Variants in CNTN6 observed in about 807,000 individuals in gnomAD.
The protein encoded by CNTN6 is contactin-6.
CNTN6 carries 137 observed loss-of-function variants against 122.8 expected under a neutral mutation model. The observed-to-expected ratio is 1.12, with a 90% CI of 0.97 to 1.29. The LOEUF is 1.29. Among genes scored for constraint, CNTN6 ranks in the 50% most tolerant of loss-of-function variants. CNTN6 has a pLI of 0.00. For synonymous variants in CNTN6, 570 were observed against 426.0 expected (o/e 1.34, Z -4.16); for missense variants, 1,634 against 1,223.4 (o/e 1.34, Z -5.01).
intron 4 of CNTN6, among the ~76,000 whole-genome samples, chr3:1,239,010 A>G (rs542440407): frequency 6.6e-6 from 1 of 152,294 alleles, no homozygotes; most frequent in South Asian, 2.1e-4. Context: ...TACTATGAAC[A>G]CCTTCACATG....
intron 2 of CNTN6, among the ~76,000 whole-genome samples, chr3:1,164,154 G>A (rs1168267938): frequency 2.0e-5 from 3 of 152,204 alleles, no homozygotes; most frequent in Non-Finnish European, 4.4e-5. Context: ...CAGAGAGCTC[G>A]TCCTCTGTTT....
intron 12 of CNTN6, among the ~76,000 whole-genome samples, chr3:1,364,414 C>T (rs578194758): frequency 6.6e-6 from 1 of 151,758 alleles, no homozygotes; most frequent in Non-Finnish European, 1.5e-5. Context: ...ACACTTTTGT[C>T]TATCCTTTGA....
At chr3:1,167,111 A>G (rs567383555) in intron 2 of CNTN6, among the ~76,000 whole-genome samples, 1 of 152,132 alleles carries the variant, frequency 6.6e-6, no homozygotes, top group African/African-American at 2.4e-5. Flanking sequence ...GGGATGAAAG[A>G]CAAATTATAA....
At chr3:1,201,041 C>T (rs1169561794) in intron 2 of CNTN6, among the ~76,000 whole-genome samples, 1 of 151,766 alleles carries the variant, frequency 6.6e-6, no homozygotes, top group Non-Finnish European at 1.5e-5. Context: ...ATCCTCCCAC[C>T]TCAGCCTCCT....
intron 2 of CNTN6, among the ~76,000 whole-genome samples, chr3:1,158,852 A>ATGTG: frequency 3.3e-5 from 1 of 29,864 alleles, no homozygotes; most frequent in East Asian, 6.3e-4. Context: ...ATATATACAT[A>ATGTG]CATATATATA....
At chr3:1,248,211 C>G (rs1383368303) in intron 4 of CNTN6, among the ~76,000 whole-genome samples, 1 of 152,110 alleles carries the variant, frequency 6.6e-6, no homozygotes, top group Non-Finnish European at 1.5e-5. Flanking sequence ...GGGAAGGTAA[C>G]ATATTCTAGT....
In CNTN6 at chr3:1,187,267, C is replaced by T. The variant is rs143136170; in HGVS notation, c.56-33420C>T. Among the ~76,000 whole-genome samples the T allele has an allele frequency of 2.9e-3, 444 of 151,772 alleles. 1 individual carries two copies. Among genetic ancestry groups the T allele is most frequent in the African/African-American group, 0.01 (419 of 41,158 alleles). On this transcript the variant is annotated intron_variant, in intron 2 of 22. Coordinates refer to ENST00000446702, the MANE Select transcript of CNTN6 (RefSeq NM_001289080.2). ...TTTTTGTAACCCACACCAGTTCTAT[C>T]CATACATACTTTTTTTTTTTCTTTC...
chr3:1,093,597 G>A (rs561516330), intron 1 of CNTN6, among the ~76,000 whole-genome samples: 84 of 151,894 alleles, frequency 5.5e-4, no homozygotes, highest in Non-Finnish European at 1.0e-3. Context: ...TTAAAAGAAT[G>A]GTTATAAAGT....
intron 4 of CNTN6, among the ~76,000 whole-genome samples, chr3:1,277,026 T>C (rs1692496364): frequency 6.6e-6 from 1 of 152,260 alleles, no homozygotes; most frequent in Non-Finnish European, 1.5e-5. Context: ...ACATAGTAAG[T>C]GAAAGTTTCA....
chr3:1,318,866 C>T (rs1023078312), intron 7 of CNTN6, among the ~76,000 whole-genome samples: 3 of 151,682 alleles, frequency 2.0e-5, no homozygotes, highest in African/African-American at 7.3e-5. Flanking sequence ...AAAGAGATAA[C>T]ATGTACTGGC....
chr3:1,345,039 A>C (rs1278467523), intron 11 of CNTN6, among the ~76,000 whole-genome samples: 2 of 151,870 alleles, frequency 1.3e-5, no homozygotes, highest in African/African-American at 4.8e-5. Flanking sequence ...GGTTTTCATC[A>C]ATCCACTGAT....
At chr3:1,247,041 T>TTTTTC (rs1214575002) in intron 4 of CNTN6, among the ~76,000 whole-genome samples, 1 of 134,960 alleles carries the variant, frequency 7.4e-6, no homozygotes, top group Non-Finnish European at 1.6e-5. Flanking sequence ...CTATTGGTCT[T>TTTTTC]TTTCTTTTTG....
chr3:1,154,440 T>C (rs1466894920), intron 2 of CNTN6, among the ~76,000 whole-genome samples: 1 of 145,796 alleles, frequency 6.9e-6, no homozygotes, highest in Non-Finnish European at 1.5e-5. Context: ...TTTTCTTTTC[T>C]TTTCTTTCTT....
Position 1,317,465 on chromosome 3 carries a change from A to G in CNTN6, c.762-4185A>G, listed in dbSNP as rs73816301. 6.2e-3 allele frequency among the ~76,000 whole-genome samples: 938 copies of G among 151,958 alleles called. 9 individuals carry two copies. The highest frequency in any genetic ancestry group is 0.021 in the African/African-American group (888 of 41,516). On this transcript the variant is annotated intron_variant, in intron 7 of 22. Coordinates refer to ENST00000446702, the MANE Select transcript of CNTN6 (RefSeq NM_001289080.2). Reference sequence around the variant, plus strand: ...AATATATTGGCTAACTGAAACGTTCAAAAAGGTTGATGCTTGTTTGTTTTT... The same window carrying G: ...AATATATTGGCTAACTGAAACGTTCGAAAAGGTTGATGCTTGTTTGTTTTT...
At chr3:1,375,443 C>G (rs779454462) in intron 16 of CNTN6, among the ~76,000 whole-genome samples, 7 of 152,046 alleles carry the variant, frequency 4.6e-5, no homozygotes, top group Non-Finnish European at 1.0e-4. Flanking sequence ...AGACTAACAA[C>G]TTGTTCTCAA....
chr3:1,122,802 T>A (rs11710474), intron 1 of CNTN6, among the ~76,000 whole-genome samples: 3 of 151,644 alleles, frequency 2.0e-5, no homozygotes, highest in Non-Finnish European at 4.4e-5. Flanking sequence ...TATGGCTGAA[T>A]AATATTCCAT....
intron 1 of CNTN6, among the ~76,000 whole-genome samples, chr3:1,096,006 A>G (rs969709084): frequency 1.3e-5 from 2 of 152,186 alleles, no homozygotes; most frequent in Non-Finnish European, 2.9e-5. Flanking sequence ...AGAAATAGTC[A>G]TAGGTGCTAT....
At chr3:1,371,508 C>T (rs1251682797) in intron 12 of CNTN6, among the ~76,000 whole-genome samples, 2 of 152,044 alleles carry the variant, frequency 1.3e-5, no homozygotes, top group Admixed American at 1.3e-4. Context: ...TCTCTGGAAT[C>T]AGAACTTTAT....
chr3:1,138,971 A>G (rs1398155738), intron 1 of CNTN6, among the ~76,000 whole-genome samples: 2 of 152,120 alleles, frequency 1.3e-5, no homozygotes, highest in African/African-American at 2.4e-5. Context: ...AGGTTAATCA[A>G]ATATTCAGTA....
Sources: gnomAD v4.1 joint callset for allele counts (sites outside exome capture counted in the v4.1 genomes callset) on GRCh38, gnomAD v4.1.1 for gene constraint, MANE v1.5 for transcripts, NCBI Gene and HGNC (gene_info 2026-07-23, HGNC 2026-07-21) for gene names.